DPYS: variants seen among roughly 807,000 people sequenced by gnomAD.
The protein encoded by DPYS is dihydropyrimidine amidohydrolase.
In DPYS, 39 loss-of-function variants were observed where a neutral mutation model predicts 50.3. The ratio of observed to expected loss-of-function variants is 0.78; its 90% CI spans 0.60 to 1.01. The LOEUF (loss-of-function observed/expected upper bound fraction) is 1.01, where lower values mean the gene tolerates loss of function less well. Ranked by LOEUF, DPYS falls within the 50% of genes least tolerant of loss-of-function variation. DPYS has a pLI of 0.00. For missense variants in DPYS, 659 were observed against 680.9 expected, an observed-to-expected ratio of 0.97 and a Z score of 0.36; for synonymous variants, 245 against 250.7, an observed-to-expected ratio of 0.98 and a Z score of 0.22.
At position 104,466,740 on chromosome 8, in the gene DPYS, G is replaced by T; in HGVS notation, c.181C>A (p.Pro61Thr). The T allele has an allele frequency of 6.5e-7, 1 of 1,535,754 alleles. No individual in the cohort carries two copies. The highest frequency in any genetic ancestry group is 1.2e-5 in the South Asian group (1 of 83,610). Reference protein sequence around the residue: ...VLDAAGKLVLPGGIDTHTHMQ... With the variant: ...VLDAAGKLVLTGGIDTHTHMQ... Reference sequence around the variant, plus strand: ...TGCGTGTGTGTGTCGATGCCTCCGGGCAGGACGAGCTTGCCGGCGGCGTCG... The same window carrying T: ...TGCGTGTGTGTGTCGATGCCTCCGGTCAGGACGAGCTTGCCGGCGGCGTCG... Residue 61 changes from proline (P) to threonine (T), a missense_variant, in exon 1 of 10, where the codon CCC becomes ACC. Physicochemically the swap from Pro to Thr is conservative, Grantham distance 38 (BLOSUM62 -1). Transcript: ENST00000351513.
At chr8:104,432,380 G>C (rs1018155507) in intron 4 of DPYS, among the ~76,000 whole-genome samples, 3 of 152,186 alleles carry the variant, frequency 2.0e-5, no homozygotes, top group Non-Finnish European at 4.4e-5. Context: ...TGATAGAGCA[G>C]ATGTTAACAC....
chr8:104,456,839 A>G (rs1467101025), intron 1 of DPYS, among the ~76,000 whole-genome samples: 1 of 152,232 alleles, frequency 6.6e-6, no homozygotes, highest in African/African-American at 2.4e-5. Context: ...AGGGGAGCCC[A>G]CACTGCTTCC....
chr8:104,439,742 G>A lies in DPYS; in HGVS notation c.793+4506C>T, dbSNP rs534806085. Among the ~76,000 whole-genome samples, 30 of 152,292 alleles carry A rather than the reference G, an allele frequency of 2.0e-4. 1 individual carries two copies. The highest frequency in any genetic ancestry group is 4.1e-4 in the South Asian group (2 of 4,824). On this transcript the variant is annotated intron_variant, in intron 4 of 9. Coordinates refer to ENST00000351513, the MANE Select transcript of DPYS (RefSeq NM_001385.3). Reference sequence around the variant, plus strand: ...TGAGGTGGCAGTTAGCTAAGACTGTGCTACTGCACTCTAGCCTGGGTGACA... The same window carrying A: ...TGAGGTGGCAGTTAGCTAAGACTGTACTACTGCACTCTAGCCTGGGTGACA...
intron 6 of DPYS, among the ~76,000 whole-genome samples, chr8:104,427,388 C>G (rs1332376630): frequency 6.6e-6 from 1 of 151,020 alleles, no homozygotes; most frequent in Non-Finnish European, 1.5e-5. Flanking sequence ...AAGCAATTCT[C>G]CTGCCTCAGC....
chr8:104,420,006 G>A (rs990157835), intron 7 of DPYS: 1 of 151,990 alleles, frequency 6.6e-6, no homozygotes, highest in Non-Finnish European at 1.5e-5. Flanking sequence ...TAACTTTTCT[G>A]TAAATCTAAA....
intron 7 of DPYS, among the ~76,000 whole-genome samples, chr8:104,415,978 CACTA>C (rs1192544412): frequency 1.3e-5 from 2 of 152,190 alleles, no homozygotes; most frequent in Admixed American, 1.3e-4. Flanking sequence ...TGCTACTGAA[CACTA>C]ACTATGTTCC....
chr8:104,408,881 T>C (rs937809858), intron 7 of DPYS, among the ~76,000 whole-genome samples: 4 of 151,738 alleles, frequency 2.6e-5, no homozygotes, highest in Non-Finnish European at 4.4e-5. Context: ...TGGCATGATC[T>C]TGGCTCACTG....
chr8:104,425,710 T>A (rs1002704103), intron 6 of DPYS, among the ~76,000 whole-genome samples: 2 of 152,150 alleles, frequency 1.3e-5, no homozygotes, highest in Non-Finnish European at 2.9e-5. Flanking sequence ...TTATGGATAG[T>A]CTATTGCAAG....
intron 5 of DPYS, 126 bp downstream of exon 5, chr8:104,429,419 G>A: frequency 7.9e-7 from 1 of 1,265,890 alleles, no homozygotes; most frequent in Non-Finnish European, 1.1e-6. Flanking sequence ...GGGTACCCAG[G>A]ACCTGACAGG....
intron 7 of DPYS, among the ~76,000 whole-genome samples, chr8:104,416,766 A>C (rs1366044431): frequency 6.6e-6 from 1 of 152,148 alleles, no homozygotes; most frequent in Non-Finnish European, 1.5e-5. Flanking sequence ...AAAATGCTTC[A>C]TAGCTTCTGT....
chr8:104,426,581 G>A (rs979782806), intron 6 of DPYS, among the ~76,000 whole-genome samples: 1 of 152,202 alleles, frequency 6.6e-6, no homozygotes, highest in African/African-American at 2.4e-5. Flanking sequence ...GGTATGTGTA[G>A]GGTAAAAGCA....
At position 104,382,490 on chromosome 8, in the gene DPYS, A is replaced by G. The variant is rs574671071; in HGVS notation, c.1444-1176T>C. Among the ~76,000 whole-genome samples the G allele has an allele frequency of 2.0e-5, 3 of 150,902 alleles. No individual in the cohort carries two copies. The East Asian group carries it at 5.8e-4, about 29-fold the overall frequency. On this transcript the variant is annotated intron_variant, in intron 8 of 9. Transcript: ENST00000351513. ...CCACATCTGAAACCTTAAACTCACT[A>G]ATACCCCACTCTCTGGCCACATCCT... is the stretch of plus-strand genomic sequence containing the variant.
intron 7 of DPYS, among the ~76,000 whole-genome samples, chr8:104,408,835 TA>T (rs1261331137): frequency 7.3e-5 from 11 of 151,068 alleles, no homozygotes; most frequent in Admixed American, 2.0e-4. Context: ...TTTTTTGAGA[TA>T]GAGTTTCACT....
rs904127812 is a variant in DPYS at position 104,460,217 on chromosome 8, T to A, written c.264+6440A>T. ...AGACATTTTATGGTTTGGCTCTGTGTCCCCACCCAAATCTCAAGTTGAATT... is the reference window on the plus strand; with the variant it reads ...AGACATTTTATGGTTTGGCTCTGTGACCCCACCCAAATCTCAAGTTGAATT... On this transcript the variant is annotated intron_variant, in intron 1 of 9. Transcript: ENST00000351513. Among the ~76,000 whole-genome samples the A allele has an allele frequency of 2.6e-5, 4 of 152,256 alleles. No homozygotes were observed. The East Asian group carries it at 7.7e-4, about 29-fold the overall frequency.
chr8:104,457,877 C>G (rs1214061529), intron 1 of DPYS, among the ~76,000 whole-genome samples: 1 of 152,118 alleles, frequency 6.6e-6, no homozygotes, highest in African/African-American at 2.4e-5. Flanking sequence ...CTCTTGACAC[C>G]TACTTCTCTT....
intron 7 of DPYS, among the ~76,000 whole-genome samples, chr8:104,403,111 T>C (rs1425205150): frequency 6.6e-6 from 1 of 152,178 alleles, no homozygotes; most frequent in East Asian, 1.9e-4. Flanking sequence ...TCCGTGTTTG[T>C]TGCCGTCCAC....
chr8:104,391,138 A>G (rs1638640459), intron 8 of DPYS, among the ~76,000 whole-genome samples: 1 of 152,192 alleles, frequency 6.6e-6, no homozygotes, highest in Admixed American at 6.5e-5. Flanking sequence ...TACCTAATCA[A>G]AGCCTTAGGA....
At chr8:104,390,960 T>C (rs556151938) in intron 8 of DPYS, among the ~76,000 whole-genome samples, 1 of 152,206 alleles carries the variant, frequency 6.6e-6, no homozygotes, top group African/African-American at 2.4e-5. Context: ...GATCCTAGGA[T>C]TCTTATAGTT....
chr8:104,381,678 T>G (rs1811046045), intron 8 of DPYS, among the ~76,000 whole-genome samples: 1 of 152,188 alleles, frequency 6.6e-6, no homozygotes. Context: ...GTACCTCTCC[T>G]AACACTCTCA....
Sources: gnomAD v4.1 joint callset for allele counts (sites outside exome capture counted in the v4.1 genomes callset) on GRCh38, gnomAD v4.1.1 for gene constraint, MANE v1.5 for transcripts, NCBI Gene and HGNC (gene_info 2026-07-23, HGNC 2026-07-21) for gene names.